The following ARRDC1 variants were observed in gnomAD, a reference collection of about 807,000 sequenced individuals.
The protein encoded by ARRDC1 is arrestin domain-containing protein 1.
Under a neutral mutation model 40.1 loss-of-function variants are expected in ARRDC1, and 37 were observed. The observed-to-expected ratio is 0.92, with a 90% CI of 0.71 to 1.21. ARRDC1 has a LOEUF of 1.21. Ranked by LOEUF, ARRDC1 falls within the 50% of genes most tolerant of loss-of-function variation. The pLI, the probability that ARRDC1 is intolerant of heterozygous loss-of-function variation, is 0.00. For synonymous variants in ARRDC1, 310 were observed against 262.5 expected, an observed-to-expected ratio of 1.18 and a Z score of -1.75; for missense variants, 641 against 581.9, an observed-to-expected ratio of 1.10 and a Z score of -1.04.
chr9:137,606,333 C>T (rs936450949), intron 1 of ARRDC1, among the ~76,000 whole-genome samples: 8 of 152,198 alleles, frequency 5.3e-5, no homozygotes, highest in Admixed American at 3.3e-4. Flanking sequence ...GACTGGGTAT[C>T]GGGTTGCTGC....
At chr9:137,608,271 G>A (rs1193051566) in intron 1 of ARRDC1, among the ~76,000 whole-genome samples, 7 of 152,322 alleles carry the variant, frequency 4.6e-5, no homozygotes, top group Admixed American at 3.9e-4. Context: ...GTGAGCCACC[G>A]TGCCTGGCCA....
intron 3 of ARRDC1, 28 bp from the exon 4 acceptor site, chr9:137,613,587 C>T (rs201064974): frequency 3.0e-5 from 49 of 1,614,036 alleles, no homozygotes; most frequent in Non-Finnish European, 3.9e-5. Context: ...GGAAGGCAGC[C>T]AGGTACCAGT....
At chr9:137,609,059 T>G (rs1427597988) in intron 1 of ARRDC1, among the ~76,000 whole-genome samples, 1 of 152,166 alleles carries the variant, frequency 6.6e-6, no homozygotes, top group East Asian at 1.9e-4. Context: ...CAGTGGCGTG[T>G]GAGGCTCCCG....
chr9:137,611,027 G>C (rs1477379248), intron 1 of ARRDC1, among the ~76,000 whole-genome samples: 1 of 152,210 alleles, frequency 6.6e-6, no homozygotes, highest in African/African-American at 2.4e-5. Flanking sequence ...TTCAAGGTGG[G>C]GATGTGCAGT....
chr9:137,614,796 C>T lies in ARRDC1; in HGVS notation c.1033C>T (p.Leu345=). 1 of 1,612,812 alleles carries T rather than the reference C, an allele frequency of 6.2e-7. No individual in the cohort carries two copies. The highest frequency in any genetic ancestry group is 8.5e-7 in the Non-Finnish European group (1 of 1,179,656). The part of the protein sequence containing the change: ...STKSHSQRQP[L]LATLSSVPGA... The stretch of plus-strand genomic sequence containing the variant: ...CAAGAGCCATTCGCAGCGGCAGCCC[C>T]TGCTGGCCACCTTGAGTTCTGTGCC... The change falls in exon 7 of 8, where the codon CTG becomes TTG. Residue 345 remains leucine (L), a synonymous_variant. Transcript: ENST00000371421.
chr9:137,613,795 G>C, intron 4 of ARRDC1, 26 bp downstream of exon 4: 1 of 1,612,868 alleles, frequency 6.2e-7, no homozygotes, highest in South Asian at 1.1e-5. Flanking sequence ...TGACCTCCTT[G>C]GTGGGTCCCC....
intron 1 of ARRDC1, chr9:137,612,057 G>A (rs1842534112): frequency 6.6e-6 from 1 of 152,508 alleles, no homozygotes; most frequent in African/African-American, 2.4e-5. Flanking sequence ...TGGAGGTGCA[G>A]GTGGCCTGCC....
In ARRDC1 at chr9:137,614,232, T is replaced by C. The variant is rs10124016; in HGVS notation, c.618+18T>C. 11,263 of 1,581,250 alleles carry C rather than the reference T, an allele frequency of 7.1e-3. 565 individuals carry two copies. In the African/African-American group the frequency reaches 0.11, roughly 16 times the overall value. On this transcript the variant is annotated intron_variant, in intron 5 of 7. Coordinates refer to ENST00000371421, the MANE Select transcript of ARRDC1 (RefSeq NM_152285.4). Reference sequence around the variant, plus strand: ...TGCTGCAGGTCAGAGCCCCCGCCAGTTGCCTGGACCGGCCTCCTGGGGTGG... The same window carrying C: ...TGCTGCAGGTCAGAGCCCCCGCCAGCTGCCTGGACCGGCCTCCTGGGGTGG...
At chr9:137,608,042 G>A (rs960534792) in intron 1 of ARRDC1, among the ~76,000 whole-genome samples, 43 of 152,238 alleles carry the variant, frequency 2.8e-4, no homozygotes, top group African/African-American at 1.0e-3. Flanking sequence ...GAGTGTGCCG[G>A]CGCGATCTCG....
intron 1 of ARRDC1, chr9:137,611,380 C>T (rs909966704): frequency 6.6e-6 from 1 of 152,204 alleles, no homozygotes; most frequent in Non-Finnish European, 1.5e-5. Context: ...AAAACCCTGT[C>T]TCTATAAGAA....
At chr9:137,613,946 G>A (rs768905065) in intron 4 of ARRDC1, 86 bp from the exon 5 acceptor site, 16 of 1,565,440 alleles carry the variant, frequency 1.0e-5, no homozygotes, top group East Asian at 4.5e-5. Context: ...GGGGCAGGGC[G>A]TGGCAGGGCT....
At chr9:137,608,065 C>T (rs1842453519) in intron 1 of ARRDC1, among the ~76,000 whole-genome samples, 1 of 152,174 alleles carries the variant, frequency 6.6e-6, no homozygotes, top group Non-Finnish European at 1.5e-5. Flanking sequence ...TCACTGCAAG[C>T]TCCGCCTCCC....
In ARRDC1 at chr9:137,614,971, C is replaced by T. The variant is rs1158545892; in HGVS notation, c.1208C>T (p.Pro403Leu). 8.7e-6 allele frequency: 14 copies of T among 1,613,808 alleles called. No homozygotes were observed. Among genetic ancestry groups the T allele is most frequent in the Middle Eastern group, 1.7e-4 (1 of 6,056 alleles). Residue 403 changes from proline (P) to leucine (L), a missense_variant, in exon 7 of 8, where the codon CCA becomes CTA. Coordinates refer to ENST00000371421, the MANE Select transcript of ARRDC1 (RefSeq NM_152285.4). ...ACTACCAGCACCTTGATTCTTCCTC[C>T]AGAGTACAGTTCTTGGGGCTACCCC... ...VPTTSTLILP[P>L]EYSSWGYPYE...
Position 137,605,721 on chromosome 9 carries a change from G to A in ARRDC1, c.4G>A (p.Gly2Arg). Residue 2 changes from glycine to arginine, a missense_variant, in exon 1 of 8, where the codon GGG becomes AGG. Gly to Arg is a moderately radical substitution (Grantham distance 125). Coordinates refer to ENST00000371421, the MANE Select transcript of ARRDC1 (RefSeq NM_152285.4). ...GGCTGGCCGGTGAGGCCGCGGCATGGGGCGAGTGCAGCTCTTCGAGATCAG... is the reference window on the plus strand; with the variant it reads ...GGCTGGCCGGTGAGGCCGCGGCATGAGGCGAGTGCAGCTCTTCGAGATCAG... M[G>R]RVQLFEISLS... 1 of 1,375,824 alleles carries A rather than the reference G, an allele frequency of 7.3e-7. No homozygotes were observed. The highest frequency in any genetic ancestry group is 9.4e-7 in the Non-Finnish European group (1 of 1,061,756). 85.2% of individuals were successfully genotyped at this position (1,375,824 alleles called of 1,614,324 possible).
Position 137,614,775 on chromosome 9 carries a change from A to G in ARRDC1, c.1012A>G (p.Ser338Gly), listed in dbSNP as rs776637501. The G allele has an allele frequency of 3.1e-6, 5 of 1,611,468 alleles. No individual in the cohort carries two copies. In the South Asian group the frequency reaches 3.3e-5, roughly 11 times the overall value. The change falls in exon 7 of 8, where the codon AGC (serine) becomes GGC (glycine). Residue 338 changes from serine to glycine, a missense_variant. By Grantham distance (56) the Ser-to-Gly change is moderately conservative (BLOSUM62 0). Coordinates refer to ENST00000371421, the MANE Select transcript of ARRDC1 (RefSeq NM_152285.4). ...FLDPVFLSTK[S>G]HSQRQPLLAT... ...GGACCCCGTCTTCCTCTCCACCAAG[A>G]GCCATTCGCAGCGGCAGCCCCTGCT...
Position 137,613,683 on chromosome 9 carries a change from A to C in ARRDC1, c.349A>C (p.Thr117Pro). The stretch of plus-strand genomic sequence containing the variant: ...GCACCAGGTGAGGGCCGCCATCCAC[A>C]CGCCACGGTTTTCCAAGGATCACAA... ...IVHQVRAAIH[T>P]PRFSKDHKCS... is the part of the protein sequence containing the mutation. Residue 117 changes from threonine (T) to proline (P), a missense_variant, in exon 4 of 8, where the codon ACG becomes CCG. Transcript: ENST00000371421. 6.2e-7 allele frequency: 1 copy of C among 1,614,224 alleles called. No individual in the cohort carries two copies. The highest frequency in any genetic ancestry group is 8.5e-7 in the Non-Finnish European group (1 of 1,180,034).
At position 137,614,327 on chromosome 9, in the gene ARRDC1, T is replaced by C; in HGVS notation, c.647T>C (p.Ile216Thr). The change falls in exon 6 of 8, where the codon ATC becomes ACC. Residue 216 changes from isoleucine to threonine, a missense_variant. Ile to Thr is a moderately conservative substitution (Grantham distance 89). Coordinates refer to ENST00000371421, the MANE Select transcript of ARRDC1 (RefSeq NM_152285.4). ...GTGTCCTATAAGGCCAAGCGCTGGA[T>C]CCACGACGTACGGACCATTGCGGAG... ...QKVSYKAKRWIHDVRTIAEVE... is the reference protein window; with the variant it reads ...QKVSYKAKRWTHDVRTIAEVE... 6.2e-7 allele frequency: 1 copy of C among 1,609,198 alleles called. No homozygotes were observed. Among genetic ancestry groups the C allele is most frequent in the Non-Finnish European group, 8.5e-7 (1 of 1,177,526 alleles).
chr9:137,610,105 G>A (rs1021337214), intron 1 of ARRDC1, among the ~76,000 whole-genome samples: 2 of 152,126 alleles, frequency 1.3e-5, no homozygotes, highest in African/African-American at 2.4e-5. Context: ...GAGCCACTGC[G>A]CCCGGCCGGG....
intron 2 of ARRDC1, 44 bp downstream of exon 2, chr9:137,613,050 G>C (rs527376153): frequency 6.8e-7 from 1 of 1,464,618 alleles, no homozygotes; most frequent in Non-Finnish European, 9.5e-7. Flanking sequence ...CCTGGGGGCA[G>C]CCCTTGGAGT....
Sources: allele counts gnomAD v4.1 joint callset (sites outside exome capture counted in the v4.1 genomes callset), GRCh38; gene constraint gnomAD v4.1.1; transcripts MANE v1.5; gene names NCBI Gene and HGNC (gene_info 2026-07-23, HGNC 2026-07-21).